UBR3: variants seen among roughly 807,000 people sequenced by gnomAD.
The protein encoded by UBR3 is E3 ubiquitin-protein ligase UBR3.
A neutral mutation model predicts 243.2 loss-of-function variants in UBR3; 85 were observed. The observed-to-expected ratio is 0.35, with a 90% CI of 0.29 to 0.42. The LOEUF (loss-of-function observed/expected upper bound fraction) is 0.42. UBR3 is among the 10% of genes least tolerant of loss of function. The probability of loss-of-function intolerance (pLI) is 1.00; values close to 1 mark genes in which losing one functional copy is unlikely to be tolerated. For missense variants in UBR3, 1,686 were observed against 2,300.8 expected (o/e 0.73, Z 5.47); for synonymous variants, 748 against 799.8 (o/e 0.94, Z 1.09).
At chr2:169,898,150 T>G (rs576298969) in intron 8 of UBR3, among the ~76,000 whole-genome samples, 7 of 152,196 alleles carry the variant, frequency 4.6e-5, no homozygotes, top group Non-Finnish European at 1.0e-4. Flanking sequence ...TACTTCAGAT[T>G]AATTAAATCT....
chr2:170,053,410 G>A (rs1471820427), intron 32 of UBR3, among the ~76,000 whole-genome samples: 1 of 152,172 alleles, frequency 6.6e-6, no homozygotes, highest in African/African-American at 2.4e-5. Context: ...GTTGTTGCTG[G>A]GGGAGTTTAG....
At chr2:169,940,638 C>G (rs1423653113) in intron 19 of UBR3, among the ~76,000 whole-genome samples, 1 of 152,144 alleles carries the variant, frequency 6.6e-6, no homozygotes. Flanking sequence ...AAACTGTTTA[C>G]CAATGTTTTT....
At chr2:170,015,673 C>T (rs535872508) in intron 30 of UBR3, among the ~76,000 whole-genome samples, 2 of 151,922 alleles carry the variant, frequency 1.3e-5, no homozygotes, top group East Asian at 3.9e-4. Flanking sequence ...AGAATTTTTA[C>T]ATTGAATTAA....
intron 35 of UBR3, among the ~76,000 whole-genome samples, chr2:170,062,771 C>T (rs1245485541): frequency 1.3e-5 from 2 of 151,850 alleles, no homozygotes; most frequent in African/African-American, 4.8e-5. Flanking sequence ...TATTTTTTGC[C>T]CATAAGTTGG....
At chr2:169,908,213 G>A (rs2085094875) in intron 10 of UBR3, among the ~76,000 whole-genome samples, 1 of 152,138 alleles carries the variant, frequency 6.6e-6, no homozygotes, top group Non-Finnish European at 1.5e-5. Context: ...TATCTTGGAA[G>A]CTTAAAAAAT....
intron 35 of UBR3, among the ~76,000 whole-genome samples, chr2:170,067,603 T>C (rs2091603001): frequency 6.6e-6 from 1 of 152,094 alleles, no homozygotes; most frequent in African/African-American, 2.4e-5. Context: ...ATAAACCATG[T>C]GTCAAGCCGT....
At chr2:169,914,319 T>G (rs940385252) in intron 11 of UBR3, among the ~76,000 whole-genome samples, 173 bp downstream of exon 11, 6 of 152,206 alleles carry the variant, frequency 3.9e-5, no homozygotes, top group African/African-American at 1.4e-4. Flanking sequence ...AGACTAGTTC[T>G]TTAGTTCTTT....
chr2:169,832,953 A>T (rs1250352798), intron 1 of UBR3, among the ~76,000 whole-genome samples: 1 of 152,114 alleles, frequency 6.6e-6, no homozygotes, highest in East Asian at 1.9e-4. Context: ...AAAATGCTTT[A>T]TGGGTGGATG....
chr2:169,856,636 GC>G (rs1248101866), intron 1 of UBR3, among the ~76,000 whole-genome samples: 1 of 152,212 alleles, frequency 6.6e-6, no homozygotes, highest in East Asian at 1.9e-4. Context: ...CTGGAGACCA[GC>G]CCGGCCAACA....
intron 23 of UBR3, among the ~76,000 whole-genome samples, chr2:169,950,632 A>ATT (rs11409087): frequency 2.6e-5 from 4 of 151,306 alleles, no homozygotes; most frequent in African/African-American, 9.7e-5. Context: ...AAAAAATGGG[A>ATT]TTTTTTTAAA....
At chr2:170,073,195 G>A (rs1270142713) in intron 35 of UBR3, among the ~76,000 whole-genome samples, 2 of 152,236 alleles carry the variant, frequency 1.3e-5, no homozygotes, top group South Asian at 2.1e-4. Flanking sequence ...TATAAAAGAA[G>A]CAGATGACAT....
chr2:169,840,124 GC>G, intron 1 of UBR3, among the ~76,000 whole-genome samples: 1 of 152,280 alleles, frequency 6.6e-6, no homozygotes, highest in Non-Finnish European at 1.5e-5. Context: ...TCCCGAGTCT[GC>G]TTTTAGCTTC....
intron 8 of UBR3, among the ~76,000 whole-genome samples, chr2:169,899,724 C>T (rs1277155395): frequency 6.6e-6 from 1 of 152,084 alleles, no homozygotes; most frequent in African/African-American, 2.4e-5. Context: ...TTGTTCAACT[C>T]CCACTTATGA....
At chr2:169,975,705 C>G (rs955393423) in intron 24 of UBR3, among the ~76,000 whole-genome samples, 1 of 151,786 alleles carries the variant, frequency 6.6e-6, no homozygotes, top group African/African-American at 2.4e-5. Context: ...CTCAGCTACC[C>G]AGGAGGCTGA....
intron 24 of UBR3, among the ~76,000 whole-genome samples, chr2:169,970,235 G>GTTTTTTTTTTTTTTT: frequency 1.2e-5 from 1 of 85,580 alleles, no homozygotes; most frequent in African/African-American, 4.8e-5. Flanking sequence ...TTGTTCCTAG[G>GTTTTTTTTTTTTTTT]TTTTTTTTTT....
intron 35 of UBR3, among the ~76,000 whole-genome samples, chr2:170,069,837 G>C (rs2091659082): frequency 6.6e-6 from 1 of 151,988 alleles, no homozygotes; most frequent in East Asian, 1.9e-4. Flanking sequence ...GATACTAAGA[G>C]CCTTAGATGT....
chr2:169,986,710 T>C lies in UBR3; in HGVS notation c.3700T>C (p.Tyr1234His). 6.2e-7 allele frequency: 1 copy of C among 1,614,082 alleles called. No individual in the cohort carries two copies. The highest frequency in any genetic ancestry group is 1.3e-5 in the African/African-American group (1 of 75,036). ...AGAACCACAGGTTTCCGAGGCAGTA[T>C]ATGACTGTGTTATTTGTGGACAGAG... is the stretch of plus-strand genomic sequence containing the variant. ...TAEPQVSEAV[Y>H]DCVICGQSGP... The change falls in exon 25 of 39, where the codon TAT becomes CAT. Residue 1234 changes from tyrosine to histidine, a missense_variant. Physicochemically the swap from Tyr to His is moderately conservative, Grantham distance 83. This residue lies in a region of UBR3 where 156 missense variants were observed against 246.3 expected (regional missense o/e 0.63). Transcript: ENST00000272793.
At chr2:169,974,147 C>G (rs1046363931) in intron 24 of UBR3, among the ~76,000 whole-genome samples, 1 of 151,960 alleles carries the variant, frequency 6.6e-6, no homozygotes, top group Admixed American at 6.6e-5. Flanking sequence ...TTTGTTATGT[C>G]TTTGTCTGGT....
At chr2:169,926,810 A>G in intron 15 of UBR3, 28 bp from the exon 16 acceptor site, 1 of 1,545,380 alleles carries the variant, frequency 6.5e-7, no homozygotes, top group African/African-American at 1.4e-5. Context: ...AATTTATAAA[A>G]ATATGTTTCA....
Sources: allele counts gnomAD v4.1 joint callset (sites outside exome capture counted in the v4.1 genomes callset), GRCh38; gene constraint gnomAD v4.1.1; regional missense constraint gnomAD v4.1.1; transcripts MANE v1.5; gene names NCBI Gene and HGNC (gene_info 2026-07-23, HGNC 2026-07-21).